Variants in MYOM1 observed in about 807,000 individuals in gnomAD.
MYOM1 encodes the protein myomesin-1.
Under a neutral mutation model 205.3 loss-of-function variants are expected in MYOM1, and 164 were observed. That is an observed-to-expected ratio of 0.80 (90% CI 0.70 to 0.91). The LOEUF (loss-of-function observed/expected upper bound fraction) is 0.91. MYOM1 is among the 40% of genes least tolerant of loss of function. The pLI, the probability that MYOM1 is intolerant of heterozygous loss-of-function variation, is 0.00. For synonymous variants in MYOM1, 772 were observed against 789.4 expected, an observed-to-expected ratio of 0.98 and a Z score of 0.37; for missense variants, 2,011 against 2,127.3, an observed-to-expected ratio of 0.95 and a Z score of 1.08.
chr18:3,074,277 C>T (rs932237780), intron 36 of MYOM1, among the ~76,000 whole-genome samples: 2 of 152,114 alleles, frequency 1.3e-5, no homozygotes, highest in Non-Finnish European at 2.9e-5. Context: ...ATACACAGGG[C>T]CTGAGCAGGA....
intron 20 of MYOM1, among the ~76,000 whole-genome samples, chr18:3,116,955 C>T (rs2143820680): frequency 6.6e-6 from 1 of 152,260 alleles, no homozygotes; most frequent in South Asian, 2.1e-4. Context: ...CTCCTGGGCT[C>T]AAGGGATCCT....
rs374025340 is a variant in MYOM1 at position 3,154,978 on chromosome 18, C to T, written c.1612G>A (p.Gly538Arg). ...ISWKQPAVDG[G>R]SPILGYFIDK... is the part of the protein sequence containing the mutation. Reference sequence around the variant, plus strand: ...ATAAAATATCCGAGAATAGGACTCCCTCCATCGACAGCTGGCTGTTTCCAG... The same window carrying T: ...ATAAAATATCCGAGAATAGGACTCCTTCCATCGACAGCTGGCTGTTTCCAG... Residue 538 changes from glycine to arginine, a missense_variant, in exon 11 of 38, where the codon GGG becomes AGG. Physicochemically the swap from Gly to Arg is moderately radical, Grantham distance 125. Transcript: ENST00000356443. The T allele has an allele frequency of 7.6e-5, 123 of 1,612,610 alleles. No individual in the cohort carries two copies. The highest frequency in any genetic ancestry group is 1.0e-4 in the Non-Finnish European group (118 of 1,179,378).
At chr18:3,222,722 C>T (rs1448815374), upstream of MYOM1, among the ~76,000 whole-genome samples, 1 of 150,722 alleles carries the variant, frequency 6.6e-6, no homozygotes, top group African/African-American at 2.5e-5. Context: ...TGCACATACA[C>T]ACATACACAC....
At chr18:3,242,137 G>A in the MYOM1 span, among the ~76,000 whole-genome samples, 26 of 152,156 alleles carry the variant, frequency 1.7e-4, no homozygotes, top group African/African-American at 4.6e-4. Context: ...CACTTTGGGG[G>A]GCTGCTGGGA....
Position 3,152,500 on chromosome 18 carries a change from T to C in MYOM1, c.1644-607A>G, listed in dbSNP as rs9962527. Among the ~76,000 whole-genome samples the C allele has an allele frequency of 0.14, 20,913 of 152,066 alleles. 1,594 individuals are homozygous for C. The highest frequency in any genetic ancestry group is 0.23 in the Middle Eastern group (67 of 292). ...GATGCCCAGTCCTGGCAGGGGCAGA[T>C]TGAGTGGGTACTTGGAAACACTGAT... On this transcript the variant is annotated intron_variant, in intron 11 of 37. Transcript: ENST00000356443. The surrounding 1 kb of genome is among the most constrained non-coding windows in gnomAD (Gnocchi z 4.3).
intron 36 of MYOM1, among the ~76,000 whole-genome samples, chr18:3,074,810 GTTGTT>G (rs541111180): frequency 3.9e-5 from 6 of 152,024 alleles, no homozygotes; most frequent in Non-Finnish European, 4.4e-5. Context: ...TTTTGTTGTT[GTTGTT>G]TTGTTTTGTT....
chr18:3,165,918 A>G (rs1368592141), intron 9 of MYOM1, among the ~76,000 whole-genome samples: 2 of 152,194 alleles, frequency 1.3e-5, no homozygotes. Context: ...ATGGTGCCAC[A>G]GACTGCCCCA....
At chr18:3,088,595 C>T (rs1332222509) in intron 29 of MYOM1, among the ~76,000 whole-genome samples, 1 of 152,142 alleles carries the variant, frequency 6.6e-6, no homozygotes, top group African/African-American at 2.4e-5. Flanking sequence ...GGTTCCTTAC[C>T]CAAAACATTT....
chr18:3,076,023 G>A (rs1478103090), intron 34 of MYOM1, among the ~76,000 whole-genome samples: 3 of 152,280 alleles, frequency 2.0e-5, no homozygotes, highest in Non-Finnish European at 1.5e-5. Context: ...CAAACGGAAA[G>A]GCAAAGATTA....
At chr18:3,185,962 G>A (rs182421779) in intron 5 of MYOM1, among the ~76,000 whole-genome samples, 4 of 152,264 alleles carry the variant, frequency 2.6e-5, no homozygotes, top group South Asian at 2.1e-4. Context: ...TTGGGAGGCC[G>A]AGGTGGGCAA....
chr18:3,113,295 T>C (rs1207811820), intron 21 of MYOM1, among the ~76,000 whole-genome samples: 26 of 15,774 alleles, frequency 1.6e-3, no homozygotes, highest in African/African-American at 3.9e-3. Context: ...TATGTGTTTG[T>C]GTCTATATAT....
intron 5 of MYOM1, among the ~76,000 whole-genome samples, chr18:3,176,519 C>T (rs140866894): frequency 2.4e-4 from 36 of 152,192 alleles, no homozygotes; most frequent in Middle Eastern, 3.4e-3. Context: ...TGTGTTGGGA[C>T]GCAAGAAGGA....
At position 3,189,094 on chromosome 18, in the gene MYOM1, CACA is replaced by C. The variant is rs770159154; in HGVS notation, c.432-10_432-8del. ...TCCACTGACATGCTTTTGACTAAAA[CACA>C]ACAATGGCAAAATGTAGATGTTGTG... On this transcript the variant is annotated splice_polypyrimidine_tract_variant and splice_region_variant and intron_variant, in intron 3 of 37. Transcript: ENST00000356443. The surrounding 1 kb of genome is among the most constrained non-coding windows in gnomAD (Gnocchi z 4.8). 224 of 1,606,450 alleles carry C rather than the reference CACA, an allele frequency of 1.4e-4. 1 individual carries two copies. The South Asian group carries it at 2.3e-3, about 16-fold the overall frequency.
In MYOM1 at chr18:3,067,532, C is replaced by A; in HGVS notation, c.4788G>T (p.Val1596=). 1 of 1,613,766 alleles carries A rather than the reference C, an allele frequency of 6.2e-7. No individual in the cohort carries two copies. The highest frequency in any genetic ancestry group is 8.5e-7 in the Non-Finnish European group (1 of 1,179,826). Residue 1596 remains valine (V), a synonymous_variant, in exon 38 of 38, where the codon GTG becomes GTT. Transcript: ENST00000356443. ...ACACCTCCGGAGGCGGGTCTCCCCA[C>A]ACGTTGCAAGTGAGATTAAGGGCCT... ...EGKALNLTCN[V]WGDPPPEVSW...
At chr18:3,221,270 T>A (rs571458081), upstream of MYOM1, among the ~76,000 whole-genome samples, 1 of 152,260 alleles carries the variant, frequency 6.6e-6, no homozygotes, top group Non-Finnish European at 1.5e-5. Context: ...TCCACCTGCC[T>A]CAGTCTCACA....
intron 25 of MYOM1, 33 bp downstream of exon 25, chr18:3,100,126 C>G: frequency 6.2e-7 from 1 of 1,612,444 alleles, no homozygotes; most frequent in Non-Finnish European, 8.5e-7. Flanking sequence ...AGTAAGACTG[C>G]TAAAAACCTG....
chr18:3,178,543 C>A (rs76037241), intron 5 of MYOM1, among the ~76,000 whole-genome samples: 1 of 152,212 alleles, frequency 6.6e-6, no homozygotes, highest in Non-Finnish European at 1.5e-5. Context: ...CTTCAGTCAG[C>A]TCCTTCCTTT....
intron 5 of MYOM1, among the ~76,000 whole-genome samples, chr18:3,177,071 C>A (rs368823238): frequency 4.5e-4 from 68 of 151,932 alleles, no homozygotes; most frequent in African/African-American, 1.5e-3. Flanking sequence ...ATAAGCAAGA[C>A]CCTGAATCTA....
At chr18:3,120,549 A>C (rs772186019) in intron 19 of MYOM1, among the ~76,000 whole-genome samples, 7 of 152,336 alleles carry the variant, frequency 4.6e-5, no homozygotes, top group Non-Finnish European at 1.0e-4. Context: ...AATGTGGCCC[A>C]GCTGATAACC....
Sources: gnomAD v4.1 joint callset for allele counts (sites outside exome capture counted in the v4.1 genomes callset) on GRCh38, gnomAD v4.1.1 for gene constraint, Gnocchi (gnomAD v3.1) non-coding constraint, MANE v1.5 for transcripts, NCBI Gene and HGNC (gene_info 2026-07-23, HGNC 2026-07-21) for gene names.